Variants in RASA3 observed in about 807,000 individuals in gnomAD.
RASA3 encodes RAS p21 protein activator 3.
A neutral mutation model predicts 110.0 loss-of-function variants in RASA3; 73 were observed. That is an observed-to-expected ratio of 0.66 (90% CI 0.55 to 0.81). The LOEUF (loss-of-function observed/expected upper bound fraction) is 0.81. Ranked by LOEUF, RASA3 falls within the 30% of genes least tolerant of loss-of-function variation. RASA3 has a pLI of 0.00. For synonymous variants in RASA3, 500 were observed against 451.4 expected (o/e 1.11, Z -1.37); for missense variants, 976 against 1,113.2 (o/e 0.88, Z 1.75).
rs2054161493 is a variant in RASA3 at position 114,031,233 on chromosome 13, CTG to C, written c.373-1348_373-1347del. Among the ~76,000 whole-genome samples, 3 of 148,676 alleles carry C rather than the reference CTG, an allele frequency of 2.0e-5. No homozygotes were observed. The South Asian group carries it at 6.5e-4, about 32-fold the overall frequency. ...CGTGCGATTGTGTGTGCGTGTCCGT[CTG>C]TGTGCACACGGCTGTGTGTCTGCCT... On this transcript the variant is annotated intron_variant, in intron 4 of 23. Coordinates refer to ENST00000334062, the MANE Select transcript of RASA3 (RefSeq NM_007368.4).
rs538205655 is a variant in RASA3, at chr13:114,057,178, TTTC to T, written c.174-5026_174-5024del. The T allele has an allele frequency of 2.1e-4, 208 of 979,764 alleles. 1 individual carries two copies. The African/African-American group carries it at 2.6e-3, about 12-fold the overall frequency. 60.7% of individuals were successfully genotyped at this position (979,764 alleles called of 1,614,324 possible). A position where few individuals can be genotyped will look rare whatever the true frequency, so the allele number is the denominator to read the frequency against. On this transcript the variant is annotated intron_variant, in intron 2 of 23. Transcript: ENST00000334062. The surrounding 1 kb of genome is among the most constrained non-coding windows in gnomAD (Gnocchi z 5.0). ...GGTTCCAATTGCCTATTTTAATGTT[TTTC>T]TTCTTATTTCATATAACTTTTTAAA... is the stretch of plus-strand genomic sequence containing the variant.
intron 4 of RASA3, among the ~76,000 whole-genome samples, chr13:114,030,931 CTATG>C (rs1386590893): frequency 1.5e-5 from 2 of 136,226 alleles, no homozygotes; most frequent in African/African-American, 6.3e-5. Context: ...ATGCATGCGA[CTATG>C]TGTGTCCATC....
At chr13:114,037,129 G>A (rs913810505) in intron 4 of RASA3, among the ~76,000 whole-genome samples, 3 of 152,150 alleles carry the variant, frequency 2.0e-5, no homozygotes, top group Admixed American at 1.3e-4. Context: ...ACGCAGCCTC[G>A]GGCGTTAATT....
rs777265097 is a variant in RASA3, at chr13:114,073,797, C to G, written c.96G>C (p.Lys32Asn). The stretch of plus-strand genomic sequence containing the variant: ...TCACCGTGCAGTAGCAATCCCTCAT[C>G]TTGCTCGGCCCCGGGTAAGAGGGAA... Reference protein sequence around the residue: ...KNLPSYPGPSKMRDCYCTVNL... With the variant: ...KNLPSYPGPSNMRDCYCTVNL... The change falls in exon 2 of 24, where the codon AAG becomes AAC. Residue 32 changes from lysine to asparagine, a missense_variant. By Grantham distance (94) the Lys-to-Asn change is moderately conservative. Around this residue, in one of 4 missense-constraint regions of RASA3, gnomAD observed 732 missense variants for 779.7 expected, o/e 0.94. Transcript: ENST00000334062. 1.2e-6 allele frequency: 2 copies of G among 1,614,246 alleles called. No individual in the cohort carries two copies. The highest frequency in any genetic ancestry group is 2.2e-5 in the South Asian group (2 of 91,088).
intron 4 of RASA3, among the ~76,000 whole-genome samples, chr13:114,034,320 T>C (rs2054239342): frequency 6.6e-6 from 1 of 152,278 alleles, no homozygotes; most frequent in Non-Finnish European, 1.5e-5. Context: ...TGCAAGGCTG[T>C]GCAGACGGAG....
At chr13:114,013,889 TC>T (rs542288245) in intron 14 of RASA3, among the ~76,000 whole-genome samples, 37 of 42,634 alleles carry the variant, frequency 8.7e-4, no homozygotes, top group South Asian at 3.6e-3. Context: ...TCTCTGTCTC[TC>T]TCTTTTTCTC....
At chr13:114,034,177 G>C (rs963231780) in intron 4 of RASA3, among the ~76,000 whole-genome samples, 5 of 152,320 alleles carry the variant, frequency 3.3e-5, no homozygotes, top group Admixed American at 2.6e-4. Flanking sequence ...GGCTATCCAC[G>C]GGCTAAAGGA....
chr13:114,066,972 G>A (rs1370801975), intron 2 of RASA3, among the ~76,000 whole-genome samples: 1 of 149,526 alleles, frequency 6.7e-6, no homozygotes, highest in Non-Finnish European at 1.5e-5. Context: ...CTGAGGACAG[G>A]CCCCCCTACC....
chr13:114,124,370 C>T (rs1164246288), intron 1 of RASA3, among the ~76,000 whole-genome samples: 1 of 152,232 alleles, frequency 6.6e-6, no homozygotes, highest in African/African-American at 2.4e-5. Flanking sequence ...AAAATACTCA[C>T]AGAAAAACAA....
intron 2 of RASA3, among the ~76,000 whole-genome samples, chr13:114,054,041 G>A (rs1380988383): frequency 6.6e-6 from 1 of 152,072 alleles, no homozygotes; most frequent in Non-Finnish European, 1.5e-5. Context: ...CAGGAGAATC[G>A]CTTGAACCTG....
chr13:114,058,163 G>C (rs2139595537), intron 2 of RASA3, among the ~76,000 whole-genome samples: 1 of 152,234 alleles, frequency 6.6e-6, no homozygotes, highest in South Asian at 2.1e-4. Context: ...CTCCTAGAAT[G>C]GCAGGTTTGT....
chr13:113,980,430 T>TCAC (rs2052904223), intron 23 of RASA3, among the ~76,000 whole-genome samples: 1 of 97,324 alleles, frequency 1.0e-5, no homozygotes, highest in Admixed American at 8.9e-5. Flanking sequence ...ACCTCCTCCG[T>TCAC]GTGTGCACCT....
rs1359579864 is a variant in RASA3 at position 114,060,052 on chromosome 13, A to G, written c.174-7897T>C. On this transcript the variant is annotated intron_variant, in intron 2 of 23. Transcript: ENST00000334062. ...CGGTGAGGAGACCCGCAGGAGGACA[A>G]GGGAACGCATGAATGAGGCCATGGA... is the stretch of plus-strand genomic sequence containing the variant. Among the ~76,000 whole-genome samples, 7 of 152,348 alleles carry G rather than the reference A, an allele frequency of 4.6e-5. No individual in the cohort carries two copies. In the East Asian group the frequency reaches 1.4e-3, roughly 29 times the overall value.
chr13:114,121,264 G>C (rs117258601), intron 1 of RASA3, among the ~76,000 whole-genome samples: 1 of 152,182 alleles, frequency 6.6e-6, no homozygotes, highest in Non-Finnish European at 1.5e-5. Flanking sequence ...ACATCCCGCC[G>C]AGCCTCCTGG....
At chr13:114,017,983 G>A (rs1471420165) in intron 11 of RASA3, 121 bp downstream of exon 11, 4 of 1,159,638 alleles carry the variant, frequency 3.4e-6, no homozygotes, top group Non-Finnish European at 4.6e-6. Context: ...AATCAACATG[G>A]TTTCTGGGGA....
At chr13:114,064,262 G>A (rs2079409035) in intron 2 of RASA3, among the ~76,000 whole-genome samples, 1 of 152,234 alleles carries the variant, frequency 6.6e-6, no homozygotes, top group Non-Finnish European at 1.5e-5. Context: ...TCACCTCGTG[G>A]GCAGAATGGC....
chr13:114,016,077 C>T (rs192556258), intron 13 of RASA3, 120 bp downstream of exon 13: 174 of 828,328 alleles, frequency 2.1e-4, no homozygotes, highest in African/African-American at 1.9e-3. Context: ...GGTATCCCCA[C>T]GCCTGGTCCT....
chr13:114,038,571 C>G (rs1047730475), intron 4 of RASA3, among the ~76,000 whole-genome samples: 1 of 152,212 alleles, frequency 6.6e-6, no homozygotes, highest in African/African-American at 2.4e-5. Flanking sequence ...CCTCACCCCA[C>G]CCCCACAGCT....
intron 4 of RASA3, chr13:114,035,832 G>C (rs1486635982): frequency 6.6e-6 from 1 of 152,242 alleles, no homozygotes; most frequent in African/African-American, 2.4e-5. Context: ...GCTTGACGAC[G>C]GACGGTGACT....
Sources: gnomAD v4.1 joint callset for allele counts (sites outside exome capture counted in the v4.1 genomes callset) on GRCh38, gnomAD v4.1.1 for gene constraint, gnomAD v4.1.1 regional missense constraint, Gnocchi (gnomAD v3.1) non-coding constraint, MANE v1.5 for transcripts, NCBI Gene and HGNC (gene_info 2026-07-23, HGNC 2026-07-21) for gene names.